The following RBMS3 variants were observed in gnomAD, a reference collection of about 807,000 sequenced individuals.
The protein encoded by RBMS3 is RNA-binding motif, single-stranded-interacting protein 3.
A neutral mutation model predicts 66.8 loss-of-function variants in RBMS3; 27 were observed. The observed-to-expected ratio is 0.40, with a 90% CI of 0.30 to 0.56. RBMS3 has a LOEUF of 0.56. Ranked by LOEUF, RBMS3 falls within the 20% of genes least tolerant of loss-of-function variation. The pLI is 0.40. For missense variants in RBMS3, 513 were observed against 549.5 expected, an observed-to-expected ratio of 0.93 and a Z score of 0.66; for synonymous variants, 188 against 183.0, an observed-to-expected ratio of 1.03 and a Z score of -0.22.
At position 29,625,317 on chromosome 3, in the gene RBMS3, C is replaced by T. The variant is rs1025337226; in HGVS notation, c.399+38112C>T. Reference sequence around the variant, plus strand: ...CAGTTATTTTTTTATATTTCTGTGGCATTTTTGTAACAGACCACATAGAAC... The same window carrying T: ...CAGTTATTTTTTTATATTTCTGTGGTATTTTTGTAACAGACCACATAGAAC... On this transcript the variant is annotated intron_variant, in intron 4 of 14. Transcript: ENST00000383767. Among the ~76,000 whole-genome samples the T allele has an allele frequency of 5.9e-5, 9 of 152,122 alleles. No individual in the cohort carries two copies. In the South Asian group the frequency reaches 1.2e-3, roughly 21 times the overall value.
chr3:29,819,301 A>G lies in RBMS3; in HGVS notation c.638-49557A>G, dbSNP rs867040798. On this transcript the variant is annotated intron_variant, in intron 6 of 14. Transcript: ENST00000383767. ...AGGTTTTGTGGGTCATAACCTCTCTATGACAGCTACTCAACTCTTCTCTGG... is the reference window on the plus strand; with the variant it reads ...AGGTTTTGTGGGTCATAACCTCTCTGTGACAGCTACTCAACTCTTCTCTGG... Among the ~76,000 whole-genome samples the G allele has an allele frequency of 2.0e-5, 3 of 152,300 alleles. No individual in the cohort carries two copies. In the Middle Eastern group the frequency reaches 0.01, roughly 518 times the overall value.
intron 5 of RBMS3, among the ~76,000 whole-genome samples, chr3:29,747,125 A>G (rs1158491913): frequency 2.6e-5 from 4 of 152,196 alleles, no homozygotes; most frequent in African/African-American, 9.6e-5. Flanking sequence ...ATAGAAAAGT[A>G]AGAGGTGGAA....
At chr3:29,397,634 C>T (rs1056368117) in intron 1 of RBMS3, among the ~76,000 whole-genome samples, 5 of 152,148 alleles carry the variant, frequency 3.3e-5, no homozygotes, top group Admixed American at 3.3e-4. Context: ...ACATGTCCTT[C>T]TTCTCCCATC....
At chr3:29,666,316 G>C (rs2050754572) in intron 4 of RBMS3, among the ~76,000 whole-genome samples, 1 of 152,152 alleles carries the variant, frequency 6.6e-6, no homozygotes, top group South Asian at 2.1e-4. Flanking sequence ...TCAACCACTA[G>C]AATGAAAGCA....
At chr3:29,400,252 G>A (rs2039747468) in intron 1 of RBMS3, among the ~76,000 whole-genome samples, 1 of 152,190 alleles carries the variant, frequency 6.6e-6, no homozygotes, top group Non-Finnish European at 1.5e-5. Flanking sequence ...TGACACCACA[G>A]ACATTCTGAC....
At chr3:29,905,792 G>T (rs1203322272) in intron 10 of RBMS3, among the ~76,000 whole-genome samples, 1 of 152,106 alleles carries the variant, frequency 6.6e-6, no homozygotes, top group East Asian at 1.9e-4. Flanking sequence ...TTTTAAGAAA[G>T]ATCGTGAATT....
chr3:29,696,970 C>T, intron 4 of RBMS3: 1 of 982,742 alleles, frequency 1.0e-6, no homozygotes. Context: ...TTGTAGGTAC[C>T]CCTAGTAGTT....
At chr3:29,365,190 G>C (rs2037829470) in intron 1 of RBMS3, among the ~76,000 whole-genome samples, 1 of 152,064 alleles carries the variant, frequency 6.6e-6, no homozygotes, top group African/African-American at 2.4e-5. Flanking sequence ...TTTTGGAAGA[G>C]GCCTTGGCTG....
Position 30,007,888 on chromosome 3 carries a change from C to T in RBMS3, c.*4026C>T, listed in dbSNP as rs918824208. 6.6e-6 allele frequency: 1 copy of T among 151,902 alleles called. No homozygotes were observed. The highest frequency in any genetic ancestry group is 2.4e-5 in the African/African-American group (1 of 41,374). The allele number at this position is 151,902 out of a possible 1,614,324, so 9.4% of individuals were successfully genotyped here. A position where few individuals can be genotyped will look rare whatever the true frequency, so the allele number is the denominator to read the frequency against. On this transcript the variant is annotated 3_prime_UTR_variant, in exon 15 of 15. Coordinates refer to ENST00000383767, the MANE Select transcript of RBMS3 (RefSeq NM_001003793.3). The stretch of plus-strand genomic sequence containing the variant: ...TGAAAGCATATGACTCACTTCCACC[C>T]CCTTCTAATGAAAAACTGCATGGTG...
intron 4 of RBMS3, among the ~76,000 whole-genome samples, chr3:29,650,545 G>A (rs1010276728): frequency 2.0e-5 from 3 of 151,774 alleles, no homozygotes; most frequent in Non-Finnish European, 4.4e-5. Context: ...CTCCTGCCTC[G>A]GCCCTCCAAA....
intron 1 of RBMS3, among the ~76,000 whole-genome samples, chr3:29,327,528 C>G (rs2035412562): frequency 6.6e-6 from 1 of 152,118 alleles, no homozygotes; most frequent in South Asian, 2.1e-4. Context: ...AATATTATCA[C>G]TATTATCATT....
rs2059978913 is a variant in RBMS3, at chr3:29,890,650, A to G, written c.791+6442A>G. On this transcript the variant is annotated intron_variant, in intron 8 of 14. Coordinates refer to ENST00000383767, the MANE Select transcript of RBMS3 (RefSeq NM_001003793.3). ...AAATGCTCACGTCATATTAGGAACA[A>G]TGGACATATATACAATTGTAATAGG... 2.6e-5 allele frequency among the ~76,000 whole-genome samples: 4 copies of G among 151,646 alleles called. No individual in the cohort carries two copies. In the South Asian group the frequency reaches 8.3e-4, roughly 31 times the overall value.
chr3:29,934,062 T>C (rs1211116650), intron 10 of RBMS3: 1 of 152,118 alleles, frequency 6.6e-6, no homozygotes, highest in African/African-American at 2.4e-5. Flanking sequence ...CTCCAGGGTA[T>C]TGAGAAGAAA....
At chr3:29,725,502 GAAT>G (rs1559608662) in intron 4 of RBMS3, among the ~76,000 whole-genome samples, 1 of 151,626 alleles carries the variant, frequency 6.6e-6, no homozygotes, top group African/African-American at 2.4e-5. Context: ...AAAGAGAGAA[GAAT>G]AAAATAGACA....
intron 4 of RBMS3, among the ~76,000 whole-genome samples, chr3:29,688,917 T>G (rs2051855376): frequency 6.6e-6 from 1 of 152,102 alleles, no homozygotes; most frequent in Non-Finnish European, 1.5e-5. Context: ...GGAGAGATTT[T>G]TTCTTAAAAA....
chr3:29,324,973 C>A (rs2035234814), intron 1 of RBMS3, among the ~76,000 whole-genome samples: 1 of 151,990 alleles, frequency 6.6e-6, no homozygotes, highest in Non-Finnish European at 1.5e-5. Flanking sequence ...CGTATTTGCA[C>A]ACAGATGAAA....
intron 1 of RBMS3, among the ~76,000 whole-genome samples, chr3:29,424,762 T>C (rs1233231879): frequency 6.6e-6 from 1 of 152,204 alleles, no homozygotes; most frequent in Non-Finnish European, 1.5e-5. Context: ...CAAAGTGTGT[T>C]ATTTCTATCA....
chr3:29,380,212 T>TCACACACACACA (rs10584637), intron 1 of RBMS3, among the ~76,000 whole-genome samples: 6 of 149,206 alleles, frequency 4.0e-5, no homozygotes, highest in Non-Finnish European at 8.9e-5. Context: ...TAGGGGAATC[T>TCACACACACACA]CACACACACA....
At chr3:29,660,830 A>G (rs903230684) in intron 4 of RBMS3, among the ~76,000 whole-genome samples, 1 of 152,204 alleles carries the variant, frequency 6.6e-6, no homozygotes, top group Non-Finnish European at 1.5e-5. Context: ...GCACAGATAA[A>G]GAGAAAAATG....
Sources: gnomAD v4.1 joint callset for allele counts (sites outside exome capture counted in the v4.1 genomes callset) on GRCh38, gnomAD v4.1.1 for gene constraint, MANE v1.5 for transcripts, NCBI Gene and HGNC (gene_info 2026-07-23, HGNC 2026-07-21) for gene names.